METAP2: variants seen among roughly 807,000 people sequenced by gnomAD.
METAP2 encodes methionine aminopeptidase 2.
In METAP2, 25 loss-of-function variants were observed where a neutral mutation model predicts 59.4. That is an observed-to-expected ratio of 0.42 (90% CI 0.31 to 0.59). METAP2 has a LOEUF of 0.59. Ranked by LOEUF, METAP2 falls within the 20% of genes least tolerant of loss-of-function variation. METAP2 has a pLI of 0.16. For missense variants in METAP2, 366 were observed against 581.2 expected (o/e 0.63, Z 3.81); for synonymous variants, 214 against 194.1 (o/e 1.10, Z -0.85).
chr12:95,481,729 GC>G (rs1393821454), intron 2 of METAP2, among the ~76,000 whole-genome samples: 1 of 152,168 alleles, frequency 6.6e-6, no homozygotes, highest in Non-Finnish European at 1.5e-5. Flanking sequence ...TAAATAACTT[GC>G]CCAAGGTCAC....
intron 3 of METAP2, 89 bp from the exon 4 acceptor site, chr12:95,485,790 A>T: frequency 2.4e-6 from 2 of 845,414 alleles, no homozygotes; most frequent in Admixed American, 3.0e-5. Context: ...ATCAGAACAT[A>T]TAACAACCAT....
chr12:95,485,832 A>G, intron 3 of METAP2, 47 bp from the exon 4 acceptor site: 1 of 1,288,136 alleles, frequency 7.8e-7, no homozygotes, highest in Non-Finnish European at 1.1e-6. Flanking sequence ...TAACTGCTTA[A>G]TTTTATTTTT....
chr12:95,513,693 A>G lies in METAP2; in HGVS notation c.1226A>G (p.Asn409Ser), dbSNP rs762780758. Residue 409 changes from asparagine (N) to serine (S), a missense_variant, in exon 11 of 11, where the codon AAC (asparagine) becomes AGC (serine). Coordinates refer to ENST00000323666, the MANE Select transcript of METAP2 (RefSeq NM_006838.4). ...CACTTGTTAAATGTCATCAATGAAA[A>G]CTTTGGAACCCTTGCCTTCTGCCGC... ...TKHLLNVINENFGTLAFCRRW... is the reference protein window; with the variant it reads ...TKHLLNVINESFGTLAFCRRW... 1.2e-6 allele frequency: 2 copies of G among 1,614,160 alleles called. No individual in the cohort carries two copies. The highest frequency in any genetic ancestry group is 1.7e-6 in the Non-Finnish European group (2 of 1,180,018).
chr12:95,494,187 T>A lies in METAP2; in HGVS notation c.560T>A (p.Ile187Asn). Residue 187 changes from isoleucine (I) to asparagine (N), a missense_variant, in exon 5 of 11, where the codon ATC becomes AAC. This residue lies in a region of METAP2 where 106 missense variants were observed against 221.9 expected (regional missense o/e 0.48). Transcript: ENST00000323666. ...RQVRKYVMSW[I>N]KPGMTMIEIC... ...GTTAGAAAATACGTAATGAGCTGGATCAAGCCTGGGATGACAATGATAGAA... is the reference window on the plus strand; with the variant it reads ...GTTAGAAAATACGTAATGAGCTGGAACAAGCCTGGGATGACAATGATAGAA... 6.2e-7 allele frequency: 1 copy of A among 1,613,996 alleles called. No homozygotes were observed. The highest frequency in any genetic ancestry group is 8.5e-7 in the Non-Finnish European group (1 of 1,179,934).
intron 2 of METAP2, among the ~76,000 whole-genome samples, chr12:95,479,613 CT>C (rs58065707): frequency 0.11 from 15,770 of 142,996 alleles, 732 homozygotes; most frequent in African/African-American, 0.12. Context: ...AGTCACCACT[CT>C]TTTTTTTTTT....
At chr12:95,479,965 T>C (rs1439247956) in intron 2 of METAP2, among the ~76,000 whole-genome samples, 1 of 152,228 alleles carries the variant, frequency 6.6e-6, no homozygotes, top group Non-Finnish European at 1.5e-5. Context: ...AGTATGCAAT[T>C]GTGTAACTAC....
rs11301070 is a variant in METAP2, at chr12:95,511,389, G to GTTTTTT, written c.965-487_965-482dup. On this transcript the variant is annotated intron_variant, in intron 8 of 10. Coordinates refer to ENST00000323666, the MANE Select transcript of METAP2 (RefSeq NM_006838.4). ...TTCTTCCATCCTCCCTTCTAGCACC[G>GTTTTTT]TTTTTTTTTTTTTTTTTTTTTTTTG... Among the ~76,000 whole-genome samples, 133 of 61,132 alleles carry GTTTTTT rather than the reference G, an allele frequency of 2.2e-3. 9 individuals carry two copies. Among genetic ancestry groups the GTTTTTT allele is most frequent in the Middle Eastern group, 0.022 (1 of 46 alleles). The allele number at this position is 61,132 out of a possible 152,430, so 40.1% of individuals were successfully genotyped here.
At chr12:95,490,103 C>CT (rs573271455) in intron 4 of METAP2, among the ~76,000 whole-genome samples, 279 of 142,156 alleles carry the variant, frequency 2.0e-3, no homozygotes, top group South Asian at 0.014. Flanking sequence ...AGTTTTTTTT[C>CT]TTTTTTTTTT....
chr12:95,493,155 A>AGTC (rs2076252000), intron 4 of METAP2, among the ~76,000 whole-genome samples: 1 of 151,850 alleles, frequency 6.6e-6, no homozygotes, highest in Non-Finnish European at 1.5e-5. Flanking sequence ...CTACTACAGG[A>AGTC]GTCATGGATC....
At chr12:95,508,958 G>A (rs568172133) in intron 8 of METAP2, among the ~76,000 whole-genome samples, 1 of 152,236 alleles carries the variant, frequency 6.6e-6, no homozygotes, top group Admixed American at 6.5e-5. Flanking sequence ...CATGATAATA[G>A]GGAGATGAAG....
intron 4 of METAP2, among the ~76,000 whole-genome samples, chr12:95,489,447 A>G (rs1021948654): frequency 1.3e-5 from 2 of 152,238 alleles, no homozygotes; most frequent in South Asian, 2.1e-4. Flanking sequence ...CAGAATAAGT[A>G]TAAGATAGTG....
intron 3 of METAP2, 101 bp downstream of exon 3, chr12:95,483,381 CAGG>C: frequency 1.2e-6 from 1 of 850,750 alleles, no homozygotes; most frequent in Non-Finnish European, 1.9e-6. Context: ...GAGGCTGAGG[CAGG>C]AGAATTGCTG....
At chr12:95,507,309 C>T (rs2076368705) in intron 8 of METAP2, among the ~76,000 whole-genome samples, 1 of 152,238 alleles carries the variant, frequency 6.6e-6, no homozygotes, top group South Asian at 2.1e-4. Context: ...CCCCTTCTCA[C>T]CCCAATTCTG....
chr12:95,511,389 GTTTTTTTTTT>G (rs11301070), intron 8 of METAP2, among the ~76,000 whole-genome samples: 1 of 61,118 alleles, frequency 1.6e-5, no homozygotes, highest in South Asian at 8.4e-4. Flanking sequence ...TTCTAGCACC[GTTTTTTTTTT>G]TTTTTTTTTT....
rs1343941635 is a variant in METAP2 at position 95,476,129 on chromosome 12, G to C, written c.210G>C (p.Gln70His). The C allele has an allele frequency of 1.2e-6, 2 of 1,612,654 alleles. No homozygotes were observed. Among genetic ancestry groups the C allele is most frequent in the Middle Eastern group, 1.7e-4 (1 of 6,054 alleles). The change falls in exon 2 of 11, where the codon CAG becomes CAC. Residue 70 changes from glutamine to histidine, a missense_variant. Coordinates refer to ENST00000323666, the MANE Select transcript of METAP2 (RefSeq NM_006838.4). ...CCTCAGTGGATGAAGTAGCAAGACA[G>C]TTGGAAAGATCAGCATTGGAAGATA... The part of the protein sequence containing the change: ...SGASVDEVAR[Q>H]LERSALEDKE...
intron 7 of METAP2, among the ~76,000 whole-genome samples, chr12:95,503,489 C>CA (rs1174701750): frequency 6.6e-6 from 1 of 152,112 alleles, no homozygotes; most frequent in Non-Finnish European, 1.5e-5. Context: ...CTCTGAAAGT[C>CA]ACTTCAGCCA....
Position 95,513,661 on chromosome 12 carries a change from A to G in METAP2, c.1194A>G (p.Arg398=), listed in dbSNP as rs761675928. 1.9e-6 allele frequency: 3 copies of G among 1,613,668 alleles called. No individual in the cohort carries two copies. Among genetic ancestry groups the G allele is most frequent in the Non-Finnish European group, 2.5e-6 (3 of 1,179,864 alleles). ...GATTTTCTCCTCTTAGGCTTCCAAG[A>G]ACAAAACACTTGTTAAATGTCATCA... The part of the protein sequence containing the change: ...DVGHVPIRLP[R]TKHLLNVINE... Residue 398 remains arginine, a synonymous_variant, in exon 11 of 11, where the codon AGA becomes AGG. Coordinates refer to ENST00000323666, the MANE Select transcript of METAP2 (RefSeq NM_006838.4).
At chr12:95,481,376 A>G (rs911365285) in intron 2 of METAP2, among the ~76,000 whole-genome samples, 2 of 152,164 alleles carry the variant, frequency 1.3e-5, no homozygotes, top group Non-Finnish European at 2.9e-5. Flanking sequence ...CTGCCACTGC[A>G]CTCCAGCTTG....
At chr12:95,513,403 C>T (rs1039746386) in intron 10 of METAP2, among the ~76,000 whole-genome samples, 2 of 152,198 alleles carry the variant, frequency 1.3e-5, no homozygotes, top group African/African-American at 4.8e-5. Flanking sequence ...AACACACACA[C>T]ACGCACACGC....
Sources: allele counts gnomAD v4.1 joint callset (sites outside exome capture counted in the v4.1 genomes callset), GRCh38; gene constraint gnomAD v4.1.1; regional missense constraint gnomAD v4.1.1; transcripts MANE v1.5; gene names NCBI Gene and HGNC (gene_info 2026-07-23, HGNC 2026-07-21).